NRXN1: variants seen among roughly 807,000 people sequenced by gnomAD.
NRXN1 encodes the protein neurexin-1.
Under a neutral mutation model 150.9 loss-of-function variants are expected in NRXN1, and 39 were observed. The ratio of observed to expected loss-of-function variants is 0.26; its 90% CI spans 0.20 to 0.34. NRXN1 has a LOEUF of 0.34. Ranked by LOEUF, NRXN1 falls within the 10% of genes least tolerant of loss-of-function variation. NRXN1 has a pLI of 1.00. For synonymous variants in NRXN1, 924 were observed against 757.0 expected (o/e 1.22, Z -3.62); for missense variants, 1,815 against 1,949.9 (o/e 0.93, Z 1.30).
rs573406999 is a variant in NRXN1 at position 50,948,278 on chromosome 2, TTAA to T, written c.773-22326_773-22324del. Among the ~76,000 whole-genome samples, 241 of 152,074 alleles carry T rather than the reference TTAA, an allele frequency of 1.6e-3. 2 individuals carry two copies. The highest frequency in any genetic ancestry group is 2.6e-3 in the Non-Finnish European group (179 of 67,906). ...ACGTCCATTATATATTATGGCAAAA[TTAA>T]TAAACTGTAACATGGCAATTTAGAT... is the stretch of plus-strand genomic sequence containing the variant. On this transcript the variant is annotated intron_variant, in intron 2 of 22. Coordinates refer to ENST00000401669, the MANE Select transcript of NRXN1 (RefSeq NM_001330078.2).
intron 5 of NRXN1, among the ~76,000 whole-genome samples, chr2:50,781,246 C>G (rs1316796745): frequency 6.6e-6 from 1 of 152,210 alleles, no homozygotes; most frequent in East Asian, 1.9e-4. Context: ...GTAAATCTGA[C>G]TGCCCTTTGC....
chr2:50,340,651 A>C (rs6545164), intron 17 of NRXN1, among the ~76,000 whole-genome samples: 1 of 151,868 alleles, frequency 6.6e-6, no homozygotes, highest in African/African-American at 2.4e-5. Context: ...GATTTTAAGA[A>C]ATCCTTATGA....
rs112672714 is a variant in NRXN1 at position 49,942,614 on chromosome 2, T to TATTATTATTATTATTA, written c.4216+1089_4216+1090insTAATAATAATAATAAT. ...ATATTATTATTATTATTATTATTAT[T>TATTATTATTATTATTA]TTATTATTATTTTGAGACAAAATCC... On this transcript the variant is annotated intron_variant, in intron 22 of 22. Coordinates refer to ENST00000401669, the MANE Select transcript of NRXN1 (RefSeq NM_001330078.2). Among the ~76,000 whole-genome samples the TATTATTATTATTATTA allele has an allele frequency of 9.7e-3, 1,440 of 148,896 alleles. 8 individuals are homozygous for TATTATTATTATTATTA. Among genetic ancestry groups the TATTATTATTATTATTA allele is most frequent in the East Asian group, 0.027 (134 of 5,010 alleles).
At chr2:50,071,468 T>C (rs186276119) in intron 19 of NRXN1, among the ~76,000 whole-genome samples, 183 of 152,204 alleles carry the variant, frequency 1.2e-3, no homozygotes, top group Non-Finnish European at 2.1e-3. Context: ...GGTGTCCTTA[T>C]AAGAGGAAGA....
At chr2:50,673,027 A>C (rs1049963854) in intron 5 of NRXN1, among the ~76,000 whole-genome samples, 5 of 152,106 alleles carry the variant, frequency 3.3e-5, no homozygotes, top group African/African-American at 1.2e-4. Context: ...TTTAACCTGA[A>C]CATATCTGCA....
intron 21 of NRXN1, among the ~76,000 whole-genome samples, chr2:50,033,393 A>G (rs1293640808): frequency 2.0e-5 from 3 of 152,156 alleles, no homozygotes; most frequent in Non-Finnish European, 2.9e-5. Flanking sequence ...TCCCTATTCA[A>G]TAAATGGTGC....
intron 21 of NRXN1, among the ~76,000 whole-genome samples, chr2:50,041,374 G>A (rs1220699839): frequency 6.6e-6 from 1 of 151,846 alleles, no homozygotes; most frequent in East Asian, 1.9e-4. Context: ...TCCCTATTTC[G>A]ATCTGGTTTT....
At chr2:50,696,960 T>C (rs1217871906) in intron 5 of NRXN1, among the ~76,000 whole-genome samples, 2 of 152,158 alleles carry the variant, frequency 1.3e-5, no homozygotes, top group Non-Finnish European at 2.9e-5. Flanking sequence ...ATTTCCACTT[T>C]TGTTTCCAAA....
intron 21 of NRXN1, among the ~76,000 whole-genome samples, chr2:50,047,267 G>T (rs1478143174): frequency 6.6e-6 from 1 of 151,966 alleles, no homozygotes; most frequent in Non-Finnish European, 1.5e-5. Context: ...CCTCCTTTTT[G>T]AGGAGGAATA....
At chr2:50,927,941 T>C (rs1687150832) in intron 2 of NRXN1, among the ~76,000 whole-genome samples, 1 of 151,926 alleles carries the variant, frequency 6.6e-6, no homozygotes, top group African/African-American at 2.4e-5. Context: ...ACACCAACTT[T>C]AGGAATGCAC....
At chr2:49,938,919 C>T (rs1166173682) in intron 22 of NRXN1, among the ~76,000 whole-genome samples, 1 of 152,116 alleles carries the variant, frequency 6.6e-6, no homozygotes, top group Non-Finnish European at 1.5e-5. Flanking sequence ...GAGATACTGA[C>T]ATGATTAAAG....
intron 2 of NRXN1, among the ~76,000 whole-genome samples, chr2:50,973,262 C>A (rs531977464): frequency 6.6e-6 from 1 of 151,988 alleles, no homozygotes; most frequent in East Asian, 1.9e-4. Context: ...CAAATCAGAC[C>A]GACTCTCTCA....
intron 17 of NRXN1, among the ~76,000 whole-genome samples, chr2:50,395,022 A>C (rs867970490): frequency 4.6e-5 from 7 of 152,086 alleles, no homozygotes; most frequent in African/African-American, 4.8e-5. Flanking sequence ...AATTTTTCCT[A>C]ATATAATCTC....
chr2:50,604,941 G>T (rs974917586), intron 8 of NRXN1, among the ~76,000 whole-genome samples: 1 of 152,134 alleles, frequency 6.6e-6, no homozygotes, highest in African/African-American at 2.4e-5. Context: ...AAAGGTATTT[G>T]AGTATTTCCT....
chr2:51,023,669 A>C (rs781200164), intron 2 of NRXN1, among the ~76,000 whole-genome samples: 7 of 152,238 alleles, frequency 4.6e-5, no homozygotes, highest in Non-Finnish European at 1.0e-4. Context: ...TATGAGGTCT[A>C]TGAAAGTAAT....
At chr2:50,688,812 G>C (rs972649916) in intron 5 of NRXN1, among the ~76,000 whole-genome samples, 1 of 152,102 alleles carries the variant, frequency 6.6e-6, no homozygotes, top group Admixed American at 6.6e-5. Flanking sequence ...TATACCATCA[G>C]TCCAAAATCT....
intron 18 of NRXN1, among the ~76,000 whole-genome samples, chr2:50,124,416 C>T (rs1476886282): frequency 1.3e-5 from 2 of 152,048 alleles, no homozygotes; most frequent in African/African-American, 4.8e-5. Flanking sequence ...ATATCACATA[C>T]GATATTTCAT....
rs1484464911 is a variant in NRXN1, at chr2:50,519,416, G to A, written c.2374+9209C>T. On this transcript the variant is annotated intron_variant, in intron 12 of 22. Transcript: ENST00000401669. ...GAATTAATTCTTTGAAGTTATCTTT[G>A]GGCAAATGTCTTCTGAAATGAATGG... Among the ~76,000 whole-genome samples, 6 of 151,966 alleles carry A rather than the reference G, an allele frequency of 3.9e-5. No homozygotes were observed. The South Asian group carries it at 1.2e-3, about 32-fold the overall frequency.
intron 2 of NRXN1, among the ~76,000 whole-genome samples, chr2:50,940,285 G>A (rs1011855068): frequency 2.0e-5 from 3 of 151,914 alleles, no homozygotes; most frequent in Non-Finnish European, 2.9e-5. Context: ...GACCATCCTG[G>A]CCAACATGGT....
Sources: allele counts gnomAD v4.1 joint callset (sites outside exome capture counted in the v4.1 genomes callset), GRCh38; gene constraint gnomAD v4.1.1; transcripts MANE v1.5; gene names NCBI Gene and HGNC (gene_info 2026-07-23, HGNC 2026-07-21).